Variants in OXR1 observed in about 807,000 individuals in gnomAD.
OXR1 encodes the protein oxidation resistance 1, also known as oxidation resistance protein 1.
OXR1 carries 41 observed loss-of-function variants against 104.6 expected under a neutral mutation model. The ratio of observed to expected loss-of-function variants is 0.39; its 90% CI spans 0.31 to 0.51. The LOEUF (loss-of-function observed/expected upper bound fraction) is 0.51. Among genes scored for constraint, OXR1 ranks in the 20% least tolerant of loss-of-function variants. OXR1 has a pLI of 0.77. For missense variants in OXR1, 955 were observed against 1,031.9 expected (o/e 0.93, Z 1.02); for synonymous variants, 348 against 348.4 (o/e 1.00, Z 0.01).
chr8:106,740,296 A>ATG (rs1184578921), intron 13 of OXR1, 47 bp from the exon 14 acceptor site: 1 of 1,512,956 alleles, frequency 6.6e-7, no homozygotes, highest in African/African-American at 1.4e-5. Flanking sequence ...ATTCTACATA[A>ATG]TGAACAACAA....
In OXR1 at chr8:106,750,319, C is replaced by CTTTCTTTTTTTTTTTTTTTTTT. The variant is rs1563773398; in HGVS notation, c.2487-484_2487-483insCTTTTTTTTTTTTTTTTTTTTT. On this transcript the variant is annotated intron_variant, in intron 16 of 16. Transcript: ENST00000517566. ...ATAAATAATTTTTTTCTTTTCTTTT[C>CTTTCTTTTTTTTTTTTTTTTTT]TTTTCTTTTTTTTTTTTTTTTTTGA... Among the ~76,000 whole-genome samples, 2 of 68,260 alleles carry CTTTCTTTTTTTTTTTTTTTTTT rather than the reference C, an allele frequency of 2.9e-5. 1 individual carries two copies. 44.8% of individuals were successfully genotyped at this position (68,260 alleles called of 152,430 possible).
At chr8:106,500,574 T>C (rs920392014) in intron 2 of OXR1, among the ~76,000 whole-genome samples, 1 of 152,212 alleles carries the variant, frequency 6.6e-6, no homozygotes, top group Non-Finnish European at 1.5e-5. Context: ...TTTAAGGCAG[T>C]AGCTTGACGA....
chr8:106,294,454 A>C (rs1812903125), intron 1 of OXR1, among the ~76,000 whole-genome samples: 1 of 151,654 alleles, frequency 6.6e-6, no homozygotes, highest in South Asian at 2.1e-4. Flanking sequence ...ATTTATAACG[A>C]AGAGGTTAGC....
chr8:106,365,083 G>A (rs2130356428), intron 2 of OXR1, among the ~76,000 whole-genome samples: 1 of 152,264 alleles, frequency 6.6e-6, no homozygotes, highest in African/African-American at 2.4e-5. Context: ...TATAGTAAAG[G>A]AGGAAAAGTC....
intron 3 of OXR1, among the ~76,000 whole-genome samples, chr8:106,542,247 A>G (rs1309604350): frequency 6.6e-6 from 1 of 152,188 alleles, no homozygotes; most frequent in Non-Finnish European, 1.5e-5. Context: ...GGAGATTACT[A>G]TGAATATCAA....
At chr8:106,598,744 T>C (rs1413070199) in intron 3 of OXR1, among the ~76,000 whole-genome samples, 1 of 152,248 alleles carries the variant, frequency 6.6e-6, no homozygotes, top group African/African-American at 2.4e-5. Flanking sequence ...CATATTTACA[T>C]AGTCCAGTTG....
chr8:106,465,480 G>C (rs2130660720), intron 2 of OXR1, among the ~76,000 whole-genome samples: 1 of 152,102 alleles, frequency 6.6e-6, no homozygotes, highest in Non-Finnish European at 1.5e-5. Flanking sequence ...AGATTTACAT[G>C]TTAACATGAT....
intron 5 of OXR1, 25 bp from the exon 6 acceptor site, chr8:106,684,221 T>C: frequency 4.3e-6 from 5 of 1,150,786 alleles, no homozygotes; most frequent in Non-Finnish European, 6.6e-6. Flanking sequence ...TTTAACTAAA[T>C]CTTTGTGTGA....
chr8:106,356,004 G>GCTAA (rs1481422184), intron 1 of OXR1, among the ~76,000 whole-genome samples: 1 of 152,092 alleles, frequency 6.6e-6, no homozygotes, highest in African/African-American at 2.4e-5. Context: ...ACACAACTCC[G>GCTAA]CTAAAACAAA....
chr8:106,657,869 C>G (rs1049407982), intron 3 of OXR1: 4 of 1,241,448 alleles, frequency 3.2e-6, no homozygotes, highest in East Asian at 3.2e-5. Context: ...TTGTGAGGCG[C>G]GCGGAGCCGC....
chr8:106,352,310 T>G (rs1198138500), intron 1 of OXR1, among the ~76,000 whole-genome samples: 1 of 152,204 alleles, frequency 6.6e-6, no homozygotes, highest in Non-Finnish European at 1.5e-5. Context: ...ATTTGTAAAA[T>G]CCACTGGATA....
intron 3 of OXR1, among the ~76,000 whole-genome samples, chr8:106,567,953 T>G (rs1323992573): frequency 6.6e-6 from 1 of 152,154 alleles, no homozygotes; most frequent in African/African-American, 2.4e-5. Context: ...TGACATGTTA[T>G]AATCATTCCT....
intron 3 of OXR1, among the ~76,000 whole-genome samples, chr8:106,636,718 C>T (rs1434251674): frequency 1.4e-5 from 2 of 146,262 alleles, no homozygotes; most frequent in Admixed American, 1.4e-4. Context: ...TTTCTTTAAA[C>T]GAATACCTAT....
intron 2 of OXR1, among the ~76,000 whole-genome samples, chr8:106,448,955 T>C (rs886520055): frequency 3.3e-5 from 5 of 152,182 alleles, no homozygotes; most frequent in Admixed American, 6.5e-5. Flanking sequence ...TATTTTGTTC[T>C]CTGGTATAAA....
intron 3 of OXR1, among the ~76,000 whole-genome samples, chr8:106,638,546 A>G (rs1823347870): frequency 1.3e-5 from 2 of 152,164 alleles, no homozygotes. Flanking sequence ...GTTCTAAGAT[A>G]ACATTGATCC....
At chr8:106,587,464 T>C (rs1220257693) in intron 3 of OXR1, among the ~76,000 whole-genome samples, 1 of 152,200 alleles carries the variant, frequency 6.6e-6, no homozygotes, top group Non-Finnish European at 1.5e-5. Flanking sequence ...CTCACACTCA[T>C]AAATATCTTA....
At chr8:106,271,949 C>G in intron 1 of OXR1, 1 of 152,144 alleles carries the variant, frequency 6.6e-6, no homozygotes, top group Non-Finnish European at 1.5e-5. Flanking sequence ...ACTTTGCTGC[C>G]CCTTGCAGGT....
intron 2 of OXR1, among the ~76,000 whole-genome samples, chr8:106,368,816 G>T (rs1047271926): frequency 6.6e-6 from 1 of 152,148 alleles, no homozygotes; most frequent in East Asian, 1.9e-4. Context: ...CGGCATTTGG[G>T]TTGGTTCCAT....
intron 3 of OXR1, among the ~76,000 whole-genome samples, chr8:106,630,396 A>G (rs192732675): frequency 4.5e-4 from 69 of 152,352 alleles, no homozygotes; most frequent in African/African-American, 1.6e-3. Flanking sequence ...GGGCACAGGA[A>G]TGGTAAAGGT....
Sources: gnomAD v4.1 joint callset for allele counts (sites outside exome capture counted in the v4.1 genomes callset) on GRCh38, gnomAD v4.1.1 for gene constraint, MANE v1.5 for transcripts, NCBI Gene and HGNC (gene_info 2026-07-23, HGNC 2026-07-21) for gene names.